Variants in PPOX observed in about 807,000 individuals in gnomAD.
The protein encoded by PPOX is protoporphyrinogen oxidase.
Under a neutral mutation model 54.1 loss-of-function variants are expected in PPOX, and 23 were observed. The observed-to-expected ratio is 0.43, with a 90% CI of 0.31 to 0.60. PPOX has a LOEUF of 0.60. Ranked by LOEUF, PPOX falls within the 20% of genes least tolerant of loss-of-function variation. The pLI, the probability that PPOX is intolerant of heterozygous loss-of-function variation, is 0.13. For missense variants in PPOX, 512 were observed against 601.1 expected (o/e 0.85, Z 1.55); for synonymous variants, 224 against 236.1 (o/e 0.95, Z 0.47).
At chr1:161,170,320 G>GGGGGGGGGCCCCC in intron 9 of PPOX, 89 bp from the exon 10 acceptor site, 7 of 494,776 alleles carry the variant, frequency 1.4e-5, no homozygotes, top group African/African-American at 2.0e-5. Context: ...GTGAGACTCT[G>GGGGGGGGGCCCCC]TCCCCCCCAC....
At chr1:161,174,964 A>G (rs552191416), downstream of PPOX, 2 of 1,603,490 alleles carry the variant, frequency 1.2e-6, no homozygotes, top group African/African-American at 2.7e-5. Context: ...GAAGAAAGTC[A>G]GTCAAAATGA....
rs562511110 is a variant in PPOX at position 161,176,413 on chromosome 1, G to T, written c.373-436G>T. On this transcript the variant is annotated intron_variant, in intron 4 of 4. Transcript: ENST00000497522. The stretch of plus-strand genomic sequence containing the variant: ...TAGAGAACCCCCTCTTCCAATTTTA[G>T]AAGGGAAGAGATAGACTCACCTAGG... 123 of 403,744 alleles carry T rather than the reference G, an allele frequency of 3.0e-4. 3 individuals carry two copies. In the South Asian group the frequency reaches 3.1e-3, roughly 10 times the overall value. The allele number at this position is 403,744 out of a possible 1,614,324, so 25.0% of individuals were successfully genotyped here. A position where few individuals can be genotyped will look rare whatever the true frequency, so the allele number is the denominator to read the frequency against.
intron 4 of PPOX, chr1:161,176,690 G>A (rs1486553630): frequency 1.1e-5 from 7 of 620,726 alleles, no homozygotes; most frequent in African/African-American, 1.1e-4. Context: ...TGGAAAGGAA[G>A]AGGAGGAGCA....
chr1:161,167,514 C>A, intron 4 of PPOX, 28 bp downstream of exon 4: 1 of 1,594,502 alleles, frequency 6.3e-7, no homozygotes, highest in Non-Finnish European at 8.6e-7. Flanking sequence ...GCTCCTTTTA[C>A]TGTGCCCTCA....
At position 161,167,245 on chromosome 1, in the gene PPOX, T is replaced by C. The variant is rs1360171339; in HGVS notation, c.222+11T>C. 1 of 1,613,976 alleles carries C rather than the reference T, an allele frequency of 6.2e-7. No homozygotes were observed. The highest frequency in any genetic ancestry group is 8.5e-7 in the Non-Finnish European group (1 of 1,180,008). On this transcript the variant is annotated intron_variant, in intron 3 of 12. Coordinates refer to ENST00000367999, the MANE Select transcript of PPOX (RefSeq NM_001122764.3). The stretch of plus-strand genomic sequence containing the variant: ...CGGACCTTGCTCCTGGTGAGAGGCT[T>C]GTGGGATGTCTAGGAGAGGTTGTGG...
chr1:161,167,224 C>A lies in PPOX; in HGVS notation c.212C>A (p.Thr71Asn). 6.2e-7 allele frequency: 1 copy of A among 1,614,108 alleles called. No homozygotes were observed. The highest frequency in any genetic ancestry group is 1.6e-4 in the Middle Eastern group (1 of 6,062). ...IRPAGALGAR[T>N]LLLVSELGLD... is the part of the protein sequence containing the mutation. Reference sequence around the variant, plus strand: ...CCAGCGGGAGCCCTAGGGGCCCGGACCTTGCTCCTGGTGAGAGGCTTGTGG... The same window carrying A: ...CCAGCGGGAGCCCTAGGGGCCCGGAACTTGCTCCTGGTGAGAGGCTTGTGG... Residue 71 changes from threonine (T) to asparagine (N), a missense_variant, in exon 3 of 13, where the codon ACC becomes AAC. By Grantham distance (65) the Thr-to-Asn change is moderately conservative (BLOSUM62 0). Coordinates refer to ENST00000367999, the MANE Select transcript of PPOX (RefSeq NM_001122764.3).
At chr1:161,175,043 G>C, downstream of PPOX, 1 of 1,614,030 alleles carries the variant, frequency 6.2e-7, no homozygotes, top group African/African-American at 1.3e-5. Flanking sequence ...TGCAAGAAGG[G>C]GTGCAGGTGG....
Position 161,166,434 on chromosome 1 carries a change from C to A in PPOX, c.-247C>A, listed in dbSNP as rs2301286. The A allele has an allele frequency of 0.37, 439,508 of 1,178,942 alleles. 82,418 individuals carry two copies. The highest frequency in any genetic ancestry group is 0.44 in the East Asian group (7,878 of 18,046). 73.0% of individuals were successfully genotyped at this position (1,178,942 alleles called of 1,614,324 possible). A position where few individuals can be genotyped will look rare whatever the true frequency, so the allele number is the denominator to read the frequency against. On this transcript the variant is annotated 5_prime_UTR_variant, in exon 1 of 13. Coordinates refer to ENST00000367999, the MANE Select transcript of PPOX (RefSeq NM_001122764.3). ...TGCCGCGAGAACAGAGTGGACGGAG[C>A]GTAGGAGAGACCGAAAAGGCTGGGG... is the stretch of plus-strand genomic sequence containing the variant.
intron 2 of PPOX, 54 bp downstream of exon 2, chr1:161,166,988 C>T: frequency 6.2e-7 from 1 of 1,611,364 alleles, no homozygotes; most frequent in South Asian, 1.1e-5. Context: ...TTCCCATTTC[C>T]ATCAAAAGCT....
At chr1:161,170,321 T>TGGGGGGCCCCCCCCCC in intron 9 of PPOX, 88 bp from the exon 10 acceptor site, 1 of 367,758 alleles carries the variant, frequency 2.7e-6, no homozygotes, top group Non-Finnish European at 5.3e-6. Flanking sequence ...TGAGACTCTG[T>TGGGGGGCCCCCCCCCC]CCCCCCCACC....
rs1661043938 is a variant in PPOX, at chr1:161,170,755, G to A, written c.1234G>A (p.Val412Ile). 1 of 1,612,472 alleles carries A rather than the reference G, an allele frequency of 6.2e-7. No homozygotes were observed. The highest frequency in any genetic ancestry group is 2.2e-5 in the East Asian group (1 of 44,720). The change falls in exon 11 of 13, where the codon GTC becomes ATC. Residue 412 changes from valine to isoleucine, a missense_variant. Physicochemically the swap from Val to Ile is conservative, Grantham distance 29. Coordinates refer to ENST00000367999, the MANE Select transcript of PPOX (RefSeq NM_001122764.3). Reference protein sequence around the residue: ...GLKEMPSHCLVHLHKNCIPQY... With the variant: ...GLKEMPSHCLIHLHKNCIPQY... The stretch of plus-strand genomic sequence containing the variant: ...GAAGGAGATGCCGAGCCACTGCTTG[G>A]TCCATCTACACAAGGTAAGTTGGGA...
intron 7 of PPOX, 55 bp from the exon 8 acceptor site, chr1:161,169,603 CTT>C (rs933687543): frequency 3.2e-6 from 5 of 1,567,162 alleles, no homozygotes; most frequent in Middle Eastern, 1.7e-4. Flanking sequence ...CCAGAAGTCT[CTT>C]TTCACTCATC....
chr1:161,175,239 G>A (rs1663063902), downstream of PPOX: 3 of 1,608,594 alleles, frequency 1.9e-6, no homozygotes, highest in Non-Finnish European at 2.6e-6. Flanking sequence ...CTGTTGGGAA[G>A]GAATGGCAAG....
chr1:161,176,050 C>A, downstream of PPOX: 1 of 1,614,046 alleles, frequency 6.2e-7, no homozygotes, highest in Non-Finnish European at 8.5e-7. Flanking sequence ...CTCCAGCAGC[C>A]TCCGCAACAT....
rs1041751682 is a variant in PPOX, at chr1:161,170,833, T to C, written c.1248+64T>C. On this transcript the variant is annotated intron_variant, in intron 11 of 12. Transcript: ENST00000367999. The stretch of plus-strand genomic sequence containing the variant: ...GCCTTGAAGACAGAGACTGGAACAT[T>C]TGTCACTGTATGTCAGCCAAGGCCT... 5.6e-6 allele frequency: 9 copies of C among 1,613,646 alleles called. No homozygotes were observed. The South Asian group carries it at 8.8e-5, about 16-fold the overall frequency.
chr1:161,167,368 C>T lies in PPOX; in HGVS notation c.223-3C>T, dbSNP rs746271876. 1 of 1,613,932 alleles carries T rather than the reference C, an allele frequency of 6.2e-7. No homozygotes were observed. Among genetic ancestry groups the T allele is most frequent in the Non-Finnish European group, 8.5e-7 (1 of 1,179,986 alleles). Reference sequence around the variant, plus strand: ...TCCTCTTCTGAGGGCATGTGGAGAGCAGGTTTCTGAGCTTGGCTTGGATTC... The same window carrying T: ...TCCTCTTCTGAGGGCATGTGGAGAGTAGGTTTCTGAGCTTGGCTTGGATTC... On this transcript the variant is annotated splice_region_variant and splice_polypyrimidine_tract_variant and intron_variant, in intron 3 of 12. Coordinates refer to ENST00000367999, the MANE Select transcript of PPOX (RefSeq NM_001122764.3).
chr1:161,171,656 C>A, downstream of PPOX: 4 of 1,030,424 alleles, frequency 3.9e-6, no homozygotes, highest in Non-Finnish European at 5.6e-6. Context: ...TCTACAGGAG[C>A]CCAGCTCCAG....
chr1:161,176,915 G>A, exon 5 of PPOX: 1 of 1,536,244 alleles, frequency 6.5e-7, no homozygotes, highest in Non-Finnish European at 8.7e-7. Context: ...GGAGTACCCA[G>A]GGCGAAGTAG....
chr1:161,167,374 T>C lies in PPOX; in HGVS notation c.226T>C (p.Ser76Pro), dbSNP rs775930609. ...ALGARTLLLV[S>P]ELGLDSEVLP... ...TCTGAGGGCATGTGGAGAGCAGGTT[T>C]CTGAGCTTGGCTTGGATTCAGAAGT... The change falls in exon 4 of 13, where the codon TCT becomes CCT. Residue 76 changes from serine to proline, a missense_variant. Coordinates refer to ENST00000367999, the MANE Select transcript of PPOX (RefSeq NM_001122764.3). 1.2e-6 allele frequency: 2 copies of C among 1,613,938 alleles called. No homozygotes were observed. The highest frequency in any genetic ancestry group is 2.2e-5 in the South Asian group (2 of 91,072).
Sources: gnomAD v4.1 joint callset for allele counts on GRCh38, gnomAD v4.1.1 for gene constraint, MANE v1.5 for transcripts, NCBI Gene and HGNC (gene_info 2026-07-23, HGNC 2026-07-21) for gene names.